The following CSMD1 variants were observed in gnomAD, a reference collection of about 807,000 sequenced individuals.
The protein encoded by CSMD1 is CUB and sushi domain-containing protein 1.
A neutral mutation model predicts 417.5 loss-of-function variants in CSMD1; 213 were observed. The observed-to-expected ratio is 0.51, with a 90% CI of 0.46 to 0.57. CSMD1 has a LOEUF of 0.57. Among genes scored for constraint, CSMD1 ranks in the 20% least tolerant of loss-of-function variants. CSMD1 has a pLI of 0.00. For missense variants in CSMD1, 6,923 were observed against 4,529.7 expected (o/e 1.53, Z -15.17); for synonymous variants, 2,862 against 1,736.8 (o/e 1.65, Z -16.11).
At position 4,925,215 on chromosome 8, in the gene CSMD1, G is replaced by GTTTTTTTTTTTTTTTTTTT. The variant is rs10692207; in HGVS notation, c.85+69098_85+69116dup. On this transcript the variant is annotated intron_variant, in intron 1 of 69. Transcript: ENST00000635120. Reference sequence around the variant, plus strand: ...AAACATGGTGAATACCAGTTTTATGGTTTTTTTTTTTTTTTTTTTTTTTTT... The same window carrying GTTTTTTTTTTTTTTTTTTT: ...AAACATGGTGAATACCAGTTTTATGGTTTTTTTTTTTTTTTTTTTTTTTTTTTTTTTTTTTTTTTTTTTT... 9.6e-5 allele frequency among the ~76,000 whole-genome samples: 7 copies of GTTTTTTTTTTTTTTTTTTT among 72,734 alleles called. 2 individuals carry two copies. The highest frequency in any genetic ancestry group is 3.3e-4 in the African/African-American group (6 of 18,146). The allele number at this position is 72,734 out of a possible 152,430, so 47.7% of individuals were successfully genotyped here. A position where few individuals can be genotyped will look rare whatever the true frequency, so the allele number is the denominator to read the frequency against.
chr8:4,192,670 T>C (rs962667612), intron 3 of CSMD1, among the ~76,000 whole-genome samples: 1 of 152,186 alleles, frequency 6.6e-6, no homozygotes. Context: ...ACCTTAAATC[T>C]GCACTTAAAT....
intron 3 of CSMD1, among the ~76,000 whole-genome samples, chr8:4,391,814 G>A (rs1585003362): frequency 6.6e-6 from 1 of 152,106 alleles, no homozygotes; most frequent in Admixed American, 6.6e-5. Flanking sequence ...AATCATGGCA[G>A]CTGCCTTGCT....
At chr8:4,272,146 C>T (rs988818923) in intron 3 of CSMD1, among the ~76,000 whole-genome samples, 2 of 152,094 alleles carry the variant, frequency 1.3e-5, no homozygotes, top group Non-Finnish European at 2.9e-5. Flanking sequence ...TGGAGTCTTA[C>T]TAGATTAATC....
intron 1 of CSMD1, among the ~76,000 whole-genome samples, chr8:4,868,548 T>C (rs1802549891): frequency 6.6e-6 from 1 of 152,056 alleles, no homozygotes; most frequent in African/African-American, 2.4e-5. Flanking sequence ...AGTGGGATCA[T>C]TATTGTTACC....
intron 3 of CSMD1, among the ~76,000 whole-genome samples, chr8:4,165,356 T>C (rs751642730): frequency 1.3e-5 from 2 of 152,232 alleles, no homozygotes; most frequent in Non-Finnish European, 1.5e-5. Flanking sequence ...ACAAATTCCT[T>C]AGGACTCTAA....
intron 6 of CSMD1, among the ~76,000 whole-genome samples, chr8:3,729,507 G>C (rs1320624895): frequency 6.6e-6 from 1 of 152,164 alleles, no homozygotes; most frequent in Non-Finnish European, 1.5e-5. Context: ...CAGCAAGACA[G>C]ACTGTGGAAC....
intron 1 of CSMD1, among the ~76,000 whole-genome samples, chr8:4,882,682 G>C (rs959903615): frequency 1.3e-5 from 2 of 151,812 alleles, no homozygotes; most frequent in Non-Finnish European, 2.9e-5. Context: ...TATTCCATTT[G>C]ATGTGCCGTT....
chr8:3,530,860 T>A (rs1296881461), intron 10 of CSMD1, among the ~76,000 whole-genome samples: 2 of 118,094 alleles, frequency 1.7e-5, no homozygotes, highest in Non-Finnish European at 3.9e-5. Context: ...CTCTCCTTTT[T>A]CCTATTTTTT....
chr8:2,950,076 A>C (rs1337894103), intron 67 of CSMD1, among the ~76,000 whole-genome samples, 155 bp downstream of exon 67: 1 of 152,116 alleles, frequency 6.6e-6, no homozygotes, highest in African/African-American at 2.4e-5. Context: ...GAAGGAATAA[A>C]ATGGCCACTC....
At chr8:4,245,851 T>C (rs1802675271) in intron 3 of CSMD1, among the ~76,000 whole-genome samples, 1 of 152,172 alleles carries the variant, frequency 6.6e-6, no homozygotes, top group Non-Finnish European at 1.5e-5. Context: ...CATAATCACA[T>C]AATCTTTGAA....
chr8:4,620,614 G>A (rs1351431629), intron 2 of CSMD1, among the ~76,000 whole-genome samples: 1 of 151,816 alleles, frequency 6.6e-6, no homozygotes, highest in African/African-American at 2.4e-5. Flanking sequence ...AAGACTGCTT[G>A]AAAAGCCCAA....
intron 37 of CSMD1, among the ~76,000 whole-genome samples, chr8:3,163,624 A>AC (rs1178733088): frequency 6.6e-6 from 1 of 152,158 alleles, no homozygotes; most frequent in Non-Finnish European, 1.5e-5. Context: ...AAAGAAAAAA[A>AC]AAAAAAAGCA....
intron 1 of CSMD1, among the ~76,000 whole-genome samples, chr8:4,946,996 T>G (rs1327123803): frequency 1.3e-5 from 2 of 152,200 alleles, no homozygotes; most frequent in African/African-American, 4.8e-5. Flanking sequence ...ATGTCTGTAA[T>G]CCAAATGCTA....
At chr8:3,732,420 A>T (rs1255822098) in intron 6 of CSMD1, among the ~76,000 whole-genome samples, 1 of 152,332 alleles carries the variant, frequency 6.6e-6, no homozygotes, top group East Asian at 1.9e-4. Context: ...ATTAATAATG[A>T]ACCAAGTCAT....
chr8:3,950,909 G>A (rs1254592047), intron 5 of CSMD1, among the ~76,000 whole-genome samples: 2 of 151,734 alleles, frequency 1.3e-5, no homozygotes, highest in African/African-American at 4.8e-5. Flanking sequence ...AAAAAATAAG[G>A]AAAACCAATA....
chr8:3,813,653 C>T (rs1405219296), intron 5 of CSMD1, among the ~76,000 whole-genome samples: 1 of 152,158 alleles, frequency 6.6e-6, no homozygotes, highest in South Asian at 2.1e-4. Context: ...GTTAATTATA[C>T]AAAATTATTT....
At chr8:4,822,631 C>G (rs1799584697) in intron 1 of CSMD1, among the ~76,000 whole-genome samples, 1 of 151,456 alleles carries the variant, frequency 6.6e-6, no homozygotes, top group Non-Finnish European at 1.5e-5. Flanking sequence ...TCATAGAAAA[C>G]AAAAAAAGAT....
chr8:4,295,666 T>A (rs1797635024), intron 3 of CSMD1, among the ~76,000 whole-genome samples: 1 of 144,648 alleles, frequency 6.9e-6, no homozygotes, highest in African/African-American at 2.5e-5. Context: ...AATCTTAAGA[T>A]TACATATGTT....
Position 3,868,823 on chromosome 8 carries a change from C to T in CSMD1, c.819-114781G>A, listed in dbSNP as rs141318368. On this transcript the variant is annotated intron_variant, in intron 5 of 69. Coordinates refer to ENST00000635120, the MANE Select transcript of CSMD1 (RefSeq NM_033225.6). ...GAATCTGATCAGTCGTGTTTCATGGCCAATGTGCTCATCCAAGCCACCATT... is the reference window on the plus strand; with the variant it reads ...GAATCTGATCAGTCGTGTTTCATGGTCAATGTGCTCATCCAAGCCACCATT... 4.6e-5 allele frequency among the ~76,000 whole-genome samples: 7 copies of T among 152,274 alleles called. No homozygotes were observed. In the East Asian group the frequency reaches 1.2e-3, roughly 25 times the overall value.
Sources: gnomAD v4.1 joint callset for allele counts (sites outside exome capture counted in the v4.1 genomes callset) on GRCh38, gnomAD v4.1.1 for gene constraint, MANE v1.5 for transcripts, NCBI Gene and HGNC (gene_info 2026-07-23, HGNC 2026-07-21) for gene names.